TRMT11: variants seen among roughly 807,000 people sequenced by gnomAD.
TRMT11 encodes tRNA methyltransferase 11.
A neutral mutation model predicts 62.8 loss-of-function variants in TRMT11; 53 were observed. The ratio of observed to expected loss-of-function variants is 0.84; its 90% CI spans 0.68 to 1.06. The LOEUF (loss-of-function observed/expected upper bound fraction) is 1.06. TRMT11 is among the 50% of genes least tolerant of loss of function. The pLI is 0.00. For missense variants in TRMT11, 556 were observed against 553.4 expected (o/e 1.00, Z -0.05); for synonymous variants, 188 against 190.3 (o/e 0.99, Z 0.10).
chr6:126,129,075 C>A (rs12215582), intron 21 of TRMT11, among the ~76,000 whole-genome samples: 3 of 151,840 alleles, frequency 2.0e-5, no homozygotes, highest in Non-Finnish European at 4.4e-5. Context: ...AAGCACCAAG[C>A]CTTTCTGGTC....
At chr6:126,231,941 C>T in the TRMT11 span, among the ~76,000 whole-genome samples, 3 of 152,034 alleles carry the variant, frequency 2.0e-5, no homozygotes, top group Admixed American at 1.3e-4. Context: ...GCTCTGGCTA[C>T]CAGAGAGTGT....
At position 126,066,159 on chromosome 6, in the gene TRMT11, C is replaced by T. The variant is rs1216243589; in HGVS notation, c.*1437+12969C>T. ...CCCTCTAGAAGAAACTCACTTTGAG[C>T]GCCAGGACCAAAGCTGACCTCTGCC... On this transcript the variant is annotated intron_variant and NMD_transcript_variant, in intron 17 of 22. Coordinates refer to the TRMT11 transcript ENST00000648977. Among the ~76,000 whole-genome samples the T allele has an allele frequency of 5.3e-5, 8 of 152,188 alleles. 1 individual carries two copies. The highest frequency in any genetic ancestry group is 4.1e-4 in the South Asian group (2 of 4,832).
the TRMT11 span, among the ~76,000 whole-genome samples, chr6:126,245,084 T>C: frequency 6.6e-6 from 1 of 152,346 alleles, no homozygotes; most frequent in African/African-American, 2.4e-5. Flanking sequence ...AAAATCCCCA[T>C]TTGTCTTCAG....
chr6:126,127,127 T>C (rs1368854622), intron 21 of TRMT11, among the ~76,000 whole-genome samples: 1 of 152,082 alleles, frequency 6.6e-6, no homozygotes, highest in Non-Finnish European at 1.5e-5. Flanking sequence ...CTTCTGAGAA[T>C]TGTGCTTTGC....
chr6:126,261,762 G>C, the TRMT11 span, among the ~76,000 whole-genome samples: 2 of 152,156 alleles, frequency 1.3e-5, no homozygotes, highest in Non-Finnish European at 2.9e-5. Context: ...TGATGGTGTT[G>C]GTGTAGTTTT....
chr6:126,218,037 A>G, the TRMT11 span, among the ~76,000 whole-genome samples: 6 of 152,274 alleles, frequency 3.9e-5, no homozygotes, highest in Admixed American at 3.9e-4. Flanking sequence ...CCAGTGCCCA[A>G]GGCCTGCAGT....
At chr6:126,165,005 G>A (rs938666595) in intron 21 of TRMT11, among the ~76,000 whole-genome samples, 1 of 152,106 alleles carries the variant, frequency 6.6e-6, no homozygotes, top group Non-Finnish European at 1.5e-5. Flanking sequence ...TTGGCTGGGT[G>A]CAGTGGCTCA....
Position 126,125,136 on chromosome 6 carries a change from C to T in TRMT11, c.*1823+9281C>T, listed in dbSNP as rs142848334. Among the ~76,000 whole-genome samples the T allele has an allele frequency of 1.5e-3, 234 of 152,178 alleles. 2 individuals are homozygous for T. The highest frequency in any genetic ancestry group is 2.0e-3 in the Non-Finnish European group (135 of 67,996). On this transcript the variant is annotated intron_variant and NMD_transcript_variant, in intron 21 of 22. Coordinates refer to the TRMT11 transcript ENST00000648977. ...CTTTTTGAATCTCTCTCTGCAGGCG[C>T]CAGGTTTTGACCTGGTCTATGCTCA...
intron 7 of TRMT11, among the ~76,000 whole-genome samples, chr6:126,006,079 G>C (rs1793299293): frequency 6.6e-6 from 1 of 151,918 alleles, no homozygotes; most frequent in South Asian, 2.1e-4. Flanking sequence ...AGGAGAGTGA[G>C]ATAATGGATC....
chr6:126,114,245 T>C (rs1777563898), intron 18 of TRMT11, among the ~76,000 whole-genome samples: 1 of 152,078 alleles, frequency 6.6e-6, no homozygotes, highest in African/African-American at 2.4e-5. Flanking sequence ...TTGAAAGTTA[T>C]TGTTCTAGAC....
chr6:126,204,483 A>G (rs1174708848), downstream of TRMT11, among the ~76,000 whole-genome samples: 1 of 152,144 alleles, frequency 6.6e-6, no homozygotes. Context: ...AATTCTTCCA[A>G]CCACTATAGA....
At position 126,038,894 on chromosome 6, in the gene TRMT11, A is replaced by T. The variant is rs1775717115; in HGVS notation, c.*58A>T. On this transcript the variant is annotated 3_prime_UTR_variant, in exon 13 of 13. Transcript: ENST00000334379. ...GAATTTGATTTAAAAAGACATCTGG[A>T]TGTGAACTTTCATGTATGATCCAGA... 1 of 1,442,960 alleles carries T rather than the reference A, an allele frequency of 6.9e-7. No individual in the cohort carries two copies. The highest frequency in any genetic ancestry group is 9.4e-7 in the Non-Finnish European group (1 of 1,060,896). 89.4% of individuals were successfully genotyped at this position (1,442,960 alleles called of 1,614,324 possible). A position where few individuals can be genotyped will look rare whatever the true frequency, so the allele number is the denominator to read the frequency against.
Position 125,993,756 on chromosome 6 carries a change from G to A in TRMT11, c.73-1G>A. 6.3e-7 allele frequency: 1 copy of A among 1,596,784 alleles called. No individual in the cohort carries two copies. The highest frequency in any genetic ancestry group is 8.6e-7 in the Non-Finnish European group (1 of 1,165,438). On this transcript the variant is annotated splice_acceptor_variant, in intron 1 of 12. Transcript: ENST00000334379. LOFTEE classifies it high-confidence loss of function. ...TTTTCTCTGTAATATTTTCAATACA[G>A]GAAATAAAGTCTTTGCTTTTGCTTT...
intron 3 of TRMT11, among the ~76,000 whole-genome samples, chr6:125,996,454 T>A (rs1791528983): frequency 6.6e-6 from 1 of 152,224 alleles, no homozygotes; most frequent in Non-Finnish European, 1.5e-5. Flanking sequence ...CCGTGAGACA[T>A]GTTTTACTGT....
chr6:126,052,220 A>G (rs1244598533), intron 16 of TRMT11, among the ~76,000 whole-genome samples: 1 of 152,180 alleles, frequency 6.6e-6, no homozygotes, highest in East Asian at 1.9e-4. Context: ...AGTGAGCTAC[A>G]TTGTAGAGTT....
At chr6:126,223,392 G>A in the TRMT11 span, among the ~76,000 whole-genome samples, 2 of 151,824 alleles carry the variant, frequency 1.3e-5, no homozygotes, top group African/African-American at 4.9e-5. Context: ...CTGCACTCCA[G>A]CCTGGGCAAC....
At chr6:126,183,068 T>G (rs1231148439) in intron 1 of TRMT11, among the ~76,000 whole-genome samples, 2 of 152,120 alleles carry the variant, frequency 1.3e-5, no homozygotes, top group Non-Finnish European at 2.9e-5. Flanking sequence ...ACCCACCCAC[T>G]GCAGGCTTCG....
chr6:126,019,674 C>G (rs912018058), intron 11 of TRMT11, among the ~76,000 whole-genome samples: 1 of 152,174 alleles, frequency 6.6e-6, no homozygotes, highest in Non-Finnish European at 1.5e-5. Flanking sequence ...GCTATATCTT[C>G]TCTCTGTTAG....
chr6:126,080,666 T>C (rs1326540144), intron 17 of TRMT11, among the ~76,000 whole-genome samples: 3 of 152,208 alleles, frequency 2.0e-5, no homozygotes, highest in African/African-American at 7.2e-5. Context: ...CAGTAATTAC[T>C]AAATACTCTC....
Sources: gnomAD v4.1 joint callset for allele counts (sites outside exome capture counted in the v4.1 genomes callset) on GRCh38, gnomAD v4.1.1 for gene constraint, MANE v1.5 for transcripts, NCBI Gene and HGNC (gene_info 2026-07-23, HGNC 2026-07-21) for gene names.